The following ERMP1 variants were observed in gnomAD, a reference collection of about 807,000 sequenced individuals.
ERMP1 encodes the protein Felix-ina.
ERMP1 carries 86 observed loss-of-function variants against 92.0 expected under a neutral mutation model. The observed-to-expected ratio is 0.93, with a 90% CI of 0.79 to 1.12. The LOEUF (loss-of-function observed/expected upper bound fraction) is 1.12, where lower values mean the gene tolerates loss of function less well. Ranked by LOEUF, ERMP1 falls within the 50% of genes most tolerant of loss-of-function variation. The probability of loss-of-function intolerance (pLI) is 0.00; values close to 1 mark genes in which losing one functional copy is unlikely to be tolerated. For synonymous variants in ERMP1, 530 were observed against 412.8 expected (o/e 1.28, Z -3.44); for missense variants, 1,342 against 1,116.3 (o/e 1.20, Z -2.88).
At chr9:5,861,170 G>GGTGTGTGTGTGTGTGTGT (rs35593711) in intron 5 of ERMP1, among the ~76,000 whole-genome samples, 5 of 102,140 alleles carry the variant, frequency 4.9e-5, no homozygotes, top group Non-Finnish European at 6.1e-5. Flanking sequence ...TGGCTTAGGG[G>GGTGTGTGTGTGTGTGTGT]GTGTGTGTGT....
chr9:5,861,969 A>G (rs1053904466), intron 5 of ERMP1, among the ~76,000 whole-genome samples: 1 of 152,056 alleles, frequency 6.6e-6, no homozygotes, highest in Non-Finnish European at 1.5e-5. Context: ...TAGTCCTTTA[A>G]AAGTTAAAGT....
chr9:5,837,725 G>A (rs1830111286), upstream of ERMP1, among the ~76,000 whole-genome samples: 2 of 152,116 alleles, frequency 1.3e-5, no homozygotes, highest in Admixed American at 6.5e-5. Flanking sequence ...AAATATCAAC[G>A]CCTCAATAGA....
At position 5,798,789 on chromosome 9, in the gene ERMP1, A is replaced by G; in HGVS notation, c.2270+17T>C. 1.9e-6 allele frequency: 3 copies of G among 1,583,620 alleles called. No homozygotes were observed. The highest frequency in any genetic ancestry group is 2.6e-6 in the Non-Finnish European group (3 of 1,152,798). Reference sequence around the variant, plus strand: ...TTGAGAACAAACTAACCTTAAGCAGAAAAATAATGAACCAACCTGATCAGA... The same window carrying G: ...TTGAGAACAAACTAACCTTAAGCAGGAAAATAATGAACCAACCTGATCAGA... On this transcript the variant is annotated intron_variant, in intron 12 of 14. Transcript: ENST00000339450.
chr9:5,866,600 G>A (rs1280235546), intron 5 of ERMP1, among the ~76,000 whole-genome samples: 2 of 152,194 alleles, frequency 1.3e-5, no homozygotes, highest in African/African-American at 4.8e-5. Flanking sequence ...AGATGAACTT[G>A]TAATTTCATA....
At position 5,799,013 on chromosome 9, in the gene ERMP1, A is replaced by T. The variant is rs1181670006; in HGVS notation, c.2068-5T>A. The T allele has an allele frequency of 1.9e-6, 3 of 1,610,790 alleles. No individual in the cohort carries two copies. Among genetic ancestry groups the T allele is most frequent in the Non-Finnish European group, 2.5e-6 (3 of 1,177,856 alleles). Reference sequence around the variant, plus strand: ...ATGGAATGTTCTAGTCATATGCTGAAAAAAAAAGACTAGTGAAAAAACTGT... The same window carrying T: ...ATGGAATGTTCTAGTCATATGCTGATAAAAAAAGACTAGTGAAAAAACTGT... On this transcript the variant is annotated splice_region_variant and splice_polypyrimidine_tract_variant and intron_variant, in intron 11 of 14. Coordinates refer to ENST00000339450, the MANE Select transcript of ERMP1 (RefSeq NM_024896.3).
chr9:5,834,701 A>ATGTGTG (rs1461362378), upstream of ERMP1, among the ~76,000 whole-genome samples: 994 of 62,768 alleles, frequency 0.016, 14 homozygotes, highest in African/African-American at 0.037. Flanking sequence ...ATGTATGTAT[A>ATGTGTG]TATGTGTGTG....
chr9:5,835,360 G>GCGCGCT (rs1302977350), upstream of ERMP1, among the ~76,000 whole-genome samples: 1 of 151,552 alleles, frequency 6.6e-6, no homozygotes, highest in African/African-American at 2.4e-5. Flanking sequence ...ACGCGCGCGC[G>GCGCGCT]CATGTGTGTG....
At chr9:5,839,577 G>A (rs916416170) in intron 6 of ERMP1, among the ~76,000 whole-genome samples, 1 of 152,128 alleles carries the variant, frequency 6.6e-6, no homozygotes, top group Non-Finnish European at 1.5e-5. Flanking sequence ...AGTTTACATT[G>A]CCAGAGCTCA....
intron 7 of ERMP1, 97 bp downstream of exon 7, chr9:5,811,014 T>G: frequency 1.3e-6 from 1 of 743,014 alleles, no homozygotes; most frequent in Non-Finnish European, 2.2e-6. Context: ...TCTTAAGATT[T>G]TTAGCTTTCT....
At chr9:5,801,558 GCCA>G (rs1477075411) in intron 10 of ERMP1, among the ~76,000 whole-genome samples, 1 of 152,138 alleles carries the variant, frequency 6.6e-6, no homozygotes, top group African/African-American at 2.4e-5. Context: ...CCATGATGGT[GCCA>G]CCTTTTTGGC....
chr9:5,785,006 G>A lies in ERMP1; in HGVS notation c.*2138C>T, dbSNP rs917293958. On this transcript the variant is annotated 3_prime_UTR_variant, in exon 15 of 15. Coordinates refer to ENST00000339450, the MANE Select transcript of ERMP1 (RefSeq NM_024896.3). Reference sequence around the variant, plus strand: ...GAATCTACTAATGTGACAGACAAACGGTATGCTTAACAGAGTCATAAATAC... The same window carrying A: ...GAATCTACTAATGTGACAGACAAACAGTATGCTTAACAGAGTCATAAATAC... 7 of 151,876 alleles carry A rather than the reference G, an allele frequency of 4.6e-5. No homozygotes were observed. Among genetic ancestry groups the A allele is most frequent in the African/African-American group, 1.2e-4 (5 of 41,336 alleles). The allele number at this position is 151,876 out of a possible 1,614,324, so 9.4% of individuals were successfully genotyped here. A position where few individuals can be genotyped will look rare whatever the true frequency, so the allele number is the denominator to read the frequency against.
chr9:5,848,734 C>T (rs1213559339), intron 6 of ERMP1, among the ~76,000 whole-genome samples: 2 of 152,136 alleles, frequency 1.3e-5, no homozygotes, highest in African/African-American at 4.8e-5. Context: ...TTGTTTGTAG[C>T]TAGAATTTGG....
In ERMP1 at chr9:5,833,071, C is replaced by CA. The variant is rs766562676; in HGVS notation, c.-45dup. 2.1e-6 allele frequency: 3 copies of CA among 1,398,078 alleles called. No individual in the cohort carries two copies. In the African/African-American group the frequency reaches 4.5e-5, roughly 21 times the overall value. The allele number at this position is 1,398,078 out of a possible 1,614,324, so 86.6% of individuals were successfully genotyped here. ...CCAGCCCAACCGCCCCAACCCGCGACAGCCCCGGCCGCCGCCGACGCCGCC... is the reference window on the plus strand; with the variant it reads ...CCAGCCCAACCGCCCCAACCCGCGACAAGCCCCGGCCGCCGCCGACGCCGCC... On this transcript the variant is annotated 5_prime_UTR_variant, in exon 1 of 15. Coordinates refer to ENST00000339450, the MANE Select transcript of ERMP1 (RefSeq NM_024896.3).
upstream of ERMP1, among the ~76,000 whole-genome samples, chr9:5,835,329 A>T (rs566263802): frequency 6.6e-6 from 1 of 151,358 alleles, no homozygotes; most frequent in South Asian, 2.1e-4. Flanking sequence ...GAGAGCTTAC[A>T]TTCTAACAAA....
chr9:5,852,904 C>T (rs1830327696), intron 6 of ERMP1, among the ~76,000 whole-genome samples: 1 of 152,156 alleles, frequency 6.6e-6, no homozygotes, highest in Non-Finnish European at 1.5e-5. Flanking sequence ...TAGTTCTTTT[C>T]ACTACAGGGG....
chr9:5,850,830 A>C (rs1830300366), intron 6 of ERMP1, among the ~76,000 whole-genome samples: 2 of 152,184 alleles, frequency 1.3e-5, no homozygotes, highest in African/African-American at 4.8e-5. Context: ...CCACCCTGTA[A>C]TTCTACCCTA....
chr9:5,866,069 AT>A (rs1413544996), intron 5 of ERMP1, among the ~76,000 whole-genome samples: 1 of 152,116 alleles, frequency 6.6e-6, no homozygotes, highest in East Asian at 1.9e-4. Context: ...ACACTTTATC[AT>A]TATGTGATTG....
rs1290161898 is a variant in ERMP1 at position 5,785,457 on chromosome 9, G to C, written c.*1687C>G. ...GGAGCCAGACTCTTGAAGCACTTGA[G>C]ACTGATTTCTACAAAGTCCAGGAAG... On this transcript the variant is annotated 3_prime_UTR_variant, in exon 15 of 15. Transcript: ENST00000339450. The C allele has an allele frequency of 5.9e-5, 9 of 152,244 alleles. No individual in the cohort carries two copies. The highest frequency in any genetic ancestry group is 8.8e-5 in the Non-Finnish European group (6 of 68,050). The allele number at this position is 152,244 out of a possible 1,614,324, so 9.4% of individuals were successfully genotyped here. A position where few individuals can be genotyped will look rare whatever the true frequency, so the allele number is the denominator to read the frequency against.
intron 4 of ERMP1, among the ~76,000 whole-genome samples, chr9:5,819,328 G>A (rs990611286): frequency 4.6e-5 from 7 of 152,174 alleles, no homozygotes; most frequent in African/African-American, 1.2e-4. Flanking sequence ...TAAAAACTCC[G>A]ATAACGGAGC....
Sources: allele counts gnomAD v4.1 joint callset (sites outside exome capture counted in the v4.1 genomes callset), GRCh38; gene constraint gnomAD v4.1.1; transcripts MANE v1.5; gene names NCBI Gene and HGNC (gene_info 2026-07-23, HGNC 2026-07-21).